RFX4: variants seen among roughly 807,000 people sequenced by gnomAD.
The protein encoded by RFX4 is transcription factor RFX4.
A neutral mutation model predicts 95.0 loss-of-function variants in RFX4; 10 were observed. That is an observed-to-expected ratio of 0.11 (90% CI 0.06 to 0.18). The LOEUF (loss-of-function observed/expected upper bound fraction) is 0.18, where lower values mean the gene tolerates loss of function less well. RFX4 is among the 10% of genes least tolerant of loss of function. RFX4 has a pLI of 1.00. For missense variants in RFX4, 640 were observed against 922.0 expected, an observed-to-expected ratio of 0.69 and a Z score of 3.96; for synonymous variants, 321 against 340.7, an observed-to-expected ratio of 0.94 and a Z score of 0.64.
intron 17 of RFX4, among the ~76,000 whole-genome samples, chr12:106,755,142 G>A (rs1446216346): frequency 6.6e-6 from 1 of 152,180 alleles, no homozygotes; most frequent in Non-Finnish European, 1.5e-5. Flanking sequence ...TGTCACCCAG[G>A]CTGGAGTGCA....
At chr12:106,718,550 A>C (rs113919663) in intron 11 of RFX4, among the ~76,000 whole-genome samples, 1 of 152,220 alleles carries the variant, frequency 6.6e-6, no homozygotes, top group Non-Finnish European at 1.5e-5. Flanking sequence ...CAAACATTTG[A>C]GCATTCTAGT....
Sources: gnomAD v4.1 joint callset for allele counts (sites outside exome capture counted in the v4.1 genomes callset) on GRCh38, gnomAD v4.1.1 for gene constraint, MANE v1.5 for transcripts, NCBI Gene and HGNC (gene_info 2026-07-23, HGNC 2026-07-21) for gene names.